The following LDLRAP1 variants were observed in gnomAD, a reference collection of about 807,000 sequenced individuals.
LDLRAP1 encodes the protein low density lipoprotein receptor adapter protein 1.
A neutral mutation model predicts 37.8 loss-of-function variants in LDLRAP1; 30 were observed. That is an observed-to-expected ratio of 0.79 (90% CI 0.59 to 1.08). The LOEUF (loss-of-function observed/expected upper bound fraction) is 1.08. Ranked by LOEUF, LDLRAP1 falls within the 50% of genes least tolerant of loss-of-function variation. The pLI, the probability that LDLRAP1 is intolerant of heterozygous loss-of-function variation, is 0.00. For missense variants in LDLRAP1, 375 were observed against 401.6 expected, an observed-to-expected ratio of 0.93 and a Z score of 0.57; for synonymous variants, 156 against 169.8, an observed-to-expected ratio of 0.92 and a Z score of 0.63.
the LDLRAP1 span, among the ~76,000 whole-genome samples, chr1:25,574,641 G>C: frequency 9.1e-3 from 1,391 of 152,294 alleles, 15 homozygotes; most frequent in African/African-American, 0.03. Flanking sequence ...GTGATGTGGA[G>C]GGCTGGTGTC....
At position 25,563,882 on chromosome 1, in the gene LDLRAP1, G is replaced by A. The variant is rs13373894; in HGVS notation, c.747+91G>A. 0.019 allele frequency: 29,345 copies of A among 1,558,900 alleles called. 4,081 individuals carry two copies. The African/African-American group carries it at 0.32, about 17-fold the overall frequency. On this transcript the variant is annotated intron_variant, in intron 7 of 8. Transcript: ENST00000374338. ...CTCCAGGGACCAGGCCCTGGGACCC[G>A]TGACTTGTGGGCCTCTGGGAGGACC...
Position 25,567,025 on chromosome 1 carries a change from G to A in LDLRAP1, c.*33G>A, listed in dbSNP as rs200650826. On this transcript the variant is annotated 3_prime_UTR_variant, in exon 9 of 9. Transcript: ENST00000374338. ...GGGCCAGCCGGACACAAGCGGCCCT[G>A]ACACGTGATGGACCAAAGCCACCTG... is the stretch of plus-strand genomic sequence containing the variant. 3.1e-6 allele frequency: 5 copies of A among 1,612,646 alleles called. No homozygotes were observed. The African/African-American group carries it at 4.0e-5, about 13-fold the overall frequency.
chr1:25,579,416 G>A, the LDLRAP1 span, among the ~76,000 whole-genome samples: 12 of 152,226 alleles, frequency 7.9e-5, no homozygotes, highest in Admixed American at 3.9e-4. Context: ...ATAGGATTTA[G>A]GCAGCAGGCA....
chr1:25,574,158 T>C, the LDLRAP1 span, among the ~76,000 whole-genome samples: 27 of 152,018 alleles, frequency 1.8e-4, no homozygotes, highest in African/African-American at 6.5e-4. Context: ...AGCCCCAGGA[T>C]TGCAGTTTGG....
chr1:25,566,729 CG>C, intron 8 of LDLRAP1, 118 bp from the exon 9 acceptor site: 2 of 1,260,796 alleles, frequency 1.6e-6, no homozygotes, highest in Non-Finnish European at 2.2e-6. Context: ...TCCCCTGCAC[CG>C]GGGGCTTCCT....
In LDLRAP1 at chr1:25,563,654, C is replaced by T. The variant is rs1223734402; in HGVS notation, c.617-7C>T. ...TCCCACTGACAACCTGACCGGATCCCTCACAGTGGTCGCCACTGGGAACCT... is the reference window on the plus strand; with the variant it reads ...TCCCACTGACAACCTGACCGGATCCTTCACAGTGGTCGCCACTGGGAACCT... On this transcript the variant is annotated splice_polypyrimidine_tract_variant and splice_region_variant and intron_variant, in intron 6 of 8. Transcript: ENST00000374338. 1 of 1,613,422 alleles carries T rather than the reference C, an allele frequency of 6.2e-7. No individual in the cohort carries two copies. Among genetic ancestry groups the T allele is most frequent in the Non-Finnish European group, 8.5e-7 (1 of 1,180,002 alleles).
At chr1:25,562,780 G>A in intron 5 of LDLRAP1, 64 bp downstream of exon 5, 6 of 1,451,020 alleles carry the variant, frequency 4.1e-6, no homozygotes, top group Non-Finnish European at 5.8e-6. Context: ...AGGCCCTGGG[G>A]TCAGACCTGG....
chr1:25,578,041 GC>G, the LDLRAP1 span, among the ~76,000 whole-genome samples: 1 of 152,250 alleles, frequency 6.6e-6, no homozygotes, highest in Middle Eastern at 3.4e-3. Context: ...GTGTGGGTGA[GC>G]CCCCCACCTC....
chr1:25,575,202 G>C, the LDLRAP1 span, among the ~76,000 whole-genome samples: 9 of 152,198 alleles, frequency 5.9e-5, no homozygotes, highest in Admixed American at 5.9e-4. Flanking sequence ...GGAAGAGTCA[G>C]ATCTCTAAAC....
At chr1:25,574,018 G>A in the LDLRAP1 span, among the ~76,000 whole-genome samples, 1 of 152,370 alleles carries the variant, frequency 6.6e-6, no homozygotes, top group East Asian at 1.9e-4. Flanking sequence ...GAAAAAGGGC[G>A]GTGGGGGGAA....
chr1:25,549,849 G>A (rs79931859), intron 1 of LDLRAP1: 10,187 of 152,402 alleles, frequency 0.067, 585 homozygotes, highest in African/African-American at 0.15. Context: ...GGGGCCTTAC[G>A]CTCTAGTGAA....
intron 3 of LDLRAP1, among the ~76,000 whole-genome samples, chr1:25,556,536 G>C (rs1233438998): frequency 1.3e-5 from 2 of 152,208 alleles, no homozygotes; most frequent in African/African-American, 4.8e-5. Context: ...AGATGGACCT[G>C]AATCTCACCA....
chr1:25,560,045 G>A (rs918257187), intron 4 of LDLRAP1, among the ~76,000 whole-genome samples: 2 of 151,010 alleles, frequency 1.3e-5, no homozygotes, highest in Admixed American at 1.3e-4. Context: ...GAGGAGCCAG[G>A]AGGAGTTTGC....
At chr1:25,556,946 A>G (rs976453219) in intron 3 of LDLRAP1, among the ~76,000 whole-genome samples, 1 of 152,112 alleles carries the variant, frequency 6.6e-6, no homozygotes, top group African/African-American at 2.4e-5. Flanking sequence ...TCTTTACCCC[A>G]TTCCTTCCTT....
intron 6 of LDLRAP1, 79 bp downstream of exon 6, chr1:25,563,232 G>A: frequency 1.7e-6 from 2 of 1,191,940 alleles, no homozygotes; most frequent in South Asian, 1.3e-5. Context: ...ACTCCTGCCT[G>A]GGCTGGGAGA....
At chr1:25,571,410 G>A (rs1012886516), downstream of LDLRAP1, among the ~76,000 whole-genome samples, 9 of 152,354 alleles carry the variant, frequency 5.9e-5, no homozygotes, top group Admixed American at 5.9e-4. Flanking sequence ...GAGCATTGGT[G>A]CCCCTCAGAG....
the LDLRAP1 span, among the ~76,000 whole-genome samples, chr1:25,583,798 A>G: frequency 6.7e-6 from 1 of 149,906 alleles, no homozygotes; most frequent in Non-Finnish European, 1.5e-5. Flanking sequence ...TGCACTCCCA[A>G]CCCCCGAGCC....
rs71638390 is a variant in LDLRAP1 at position 25,562,670 on chromosome 1, C to T, written c.486C>T (p.Ala162=). The T allele has an allele frequency of 6.2e-7, 1 of 1,614,218 alleles. No individual in the cohort carries two copies. The highest frequency in any genetic ancestry group is 8.5e-7 in the Non-Finnish European group (1 of 1,180,024). ...KMAQAVTLTV[A]QAFKVAFEFW... is the part of the protein sequence containing the mutation. ...CACAGGCTGTTACCCTCACCGTAGC[C>T]CAGGCCTTCAAAGTCGCCTTTGAGT... The change falls in exon 5 of 9, where the codon GCC becomes GCT. Residue 162 remains alanine (A), a synonymous_variant. Transcript: ENST00000374338.
chr1:25,570,814 G>A (rs965946130), downstream of LDLRAP1, among the ~76,000 whole-genome samples: 2 of 152,044 alleles, frequency 1.3e-5, no homozygotes, highest in Non-Finnish European at 2.9e-5. Context: ...AGCCGAGATC[G>A]GGCCACTACA....
Sources: allele counts gnomAD v4.1 joint callset (sites outside exome capture counted in the v4.1 genomes callset), GRCh38; gene constraint gnomAD v4.1.1; transcripts MANE v1.5; gene names NCBI Gene and HGNC (gene_info 2026-07-23, HGNC 2026-07-21).